The following IFT81 variants were observed in gnomAD, a reference collection of about 807,000 sequenced individuals.
The protein encoded by IFT81 is intraflagellar transport 81.
Under a neutral mutation model 102.6 loss-of-function variants are expected in IFT81, and 72 were observed. The ratio of observed to expected loss-of-function variants is 0.70; its 90% CI spans 0.58 to 0.85. IFT81 has a LOEUF of 0.85. IFT81 is among the 40% of genes least tolerant of loss of function. IFT81 has a pLI of 0.00. For synonymous variants in IFT81, 237 were observed against 242.7 expected (o/e 0.98, Z 0.22); for missense variants, 723 against 787.3 (o/e 0.92, Z 0.98).
chr12:110,141,921 A>G (rs1894915441), intron 8 of IFT81, among the ~76,000 whole-genome samples: 1 of 152,164 alleles, frequency 6.6e-6, no homozygotes, highest in East Asian at 1.9e-4. Context: ...AGAATTTGTA[A>G]ATGTGTAAAT....
chr12:110,141,633 A>G (rs1894896626), intron 8 of IFT81, among the ~76,000 whole-genome samples: 1 of 152,154 alleles, frequency 6.6e-6, no homozygotes, highest in Non-Finnish European at 1.5e-5. Flanking sequence ...TAATCCCAGC[A>G]CTTTGGGAGG....
intron 7 of IFT81, among the ~76,000 whole-genome samples, chr12:110,136,172 C>T (rs192435143): frequency 9.3e-4 from 142 of 152,328 alleles, no homozygotes; most frequent in African/African-American, 3.2e-3. Context: ...AAATCACCTA[C>T]ACTCCATGTT....
At chr12:110,199,900 C>G (rs547096583) in intron 14 of IFT81, among the ~76,000 whole-genome samples, 2 of 152,300 alleles carry the variant, frequency 1.3e-5, no homozygotes, top group South Asian at 2.1e-4. Flanking sequence ...CACAGGTTCA[C>G]AAGTTGAAAA....
At chr12:110,186,460 T>A (rs1456218667) in intron 12 of IFT81, among the ~76,000 whole-genome samples, 1 of 152,154 alleles carries the variant, frequency 6.6e-6, no homozygotes, top group Non-Finnish European at 1.5e-5. Context: ...AGCCAATGTT[T>A]ATTTATTTAT....
At chr12:110,146,872 C>T in intron 9 of IFT81, 81 bp from the exon 10 acceptor site, 1 of 1,386,302 alleles carries the variant, frequency 7.2e-7, no homozygotes, top group African/African-American at 1.5e-5. Context: ...AAATTCAAAG[C>T]TGGTTTGGCC....
chr12:110,182,177 C>T (rs979888564), intron 12 of IFT81, among the ~76,000 whole-genome samples: 2 of 152,166 alleles, frequency 1.3e-5, no homozygotes, highest in African/African-American at 4.8e-5. Flanking sequence ...GAGTGGGGCA[C>T]CAGCAACATC....
At chr12:110,128,512 A>G (rs1421347687) in intron 3 of IFT81, among the ~76,000 whole-genome samples, 4 of 151,716 alleles carry the variant, frequency 2.6e-5, no homozygotes, top group Non-Finnish European at 5.9e-5. Context: ...CCTTGGGGCC[A>G]GGCATGGTAG....
intron 7 of IFT81, 43 bp from the exon 8 acceptor site, chr12:110,136,733 T>C: frequency 8.4e-7 from 1 of 1,191,466 alleles, no homozygotes; most frequent in South Asian, 1.4e-5. Flanking sequence ...AGAGGTAAGC[T>C]TCAGTAGACT....
intron 12 of IFT81, among the ~76,000 whole-genome samples, chr12:110,183,025 C>A (rs565041653): frequency 6.6e-6 from 1 of 152,190 alleles, no homozygotes; most frequent in Non-Finnish European, 1.5e-5. Flanking sequence ...TGGGGCCTTA[C>A]GTTTAAGACA....
In IFT81 at chr12:110,180,401, C is replaced by A. The variant is rs747794658; in HGVS notation, c.1189-21C>A. The stretch of plus-strand genomic sequence containing the variant: ...TACTACTTTTCTACTCATTAGATTA[C>A]ATATTGTGTTTTTTTTACAGTTCAA... On this transcript the variant is annotated intron_variant, in intron 11 of 18. Coordinates refer to ENST00000242591, the MANE Select transcript of IFT81 (RefSeq NM_014055.4). 6 of 1,520,272 alleles carry A rather than the reference C, an allele frequency of 3.9e-6. No individual in the cohort carries two copies. The South Asian group carries it at 4.7e-5, about 12-fold the overall frequency. The allele number at this position is 1,520,272 out of a possible 1,614,324, so 94.2% of individuals were successfully genotyped here.
intron 18 of IFT81, among the ~76,000 whole-genome samples, chr12:110,211,661 C>T (rs979577276): frequency 1.3e-4 from 19 of 151,642 alleles, no homozygotes; most frequent in Non-Finnish European, 7.4e-5. Flanking sequence ...ATAGAAACCA[C>T]GCCTGGCTAA....
intron 12 of IFT81, among the ~76,000 whole-genome samples, chr12:110,184,547 G>A (rs1897440032): frequency 6.6e-6 from 1 of 152,148 alleles, no homozygotes. Flanking sequence ...CAGACACTGA[G>A]ATGGGATTAC....
intron 12 of IFT81, among the ~76,000 whole-genome samples, chr12:110,180,805 A>G (rs189940023): frequency 1.3e-5 from 2 of 152,326 alleles, no homozygotes; most frequent in Admixed American, 6.5e-5. Flanking sequence ...TTGAATTCCA[A>G]GTAGGTTTTT....
At chr12:110,166,954 C>A (rs563894424) in intron 11 of IFT81, among the ~76,000 whole-genome samples, 3 of 151,894 alleles carry the variant, frequency 2.0e-5, no homozygotes, top group Non-Finnish European at 4.4e-5. Context: ...TGTTAATTTG[C>A]GTAAATGTAA....
intron 14 of IFT81, among the ~76,000 whole-genome samples, chr12:110,202,378 A>G (rs1218754562): frequency 1.3e-5 from 2 of 152,228 alleles, no homozygotes; most frequent in African/African-American, 4.8e-5. Flanking sequence ...AACAACTTAA[A>G]GAAAACAAAA....
chr12:110,125,795 T>C (rs971650930), intron 1 of IFT81, among the ~76,000 whole-genome samples: 1 of 152,260 alleles, frequency 6.6e-6, no homozygotes, highest in African/African-American at 2.4e-5. Flanking sequence ...TAAAAAGTTA[T>C]GATCTTTCTC....
intron 4 of IFT81, among the ~76,000 whole-genome samples, chr12:110,130,480 C>T (rs1894098818): frequency 6.6e-6 from 1 of 151,820 alleles, no homozygotes; most frequent in African/African-American, 2.4e-5. Flanking sequence ...AGTGATTCTC[C>T]TGCCTCAGCC....
At chr12:110,170,655 A>G (rs984328973) in intron 11 of IFT81, among the ~76,000 whole-genome samples, 1 of 152,208 alleles carries the variant, frequency 6.6e-6, no homozygotes, top group African/African-American at 2.4e-5. Context: ...TTTTATAGCA[A>G]TAAATGTACC....
intron 8 of IFT81, among the ~76,000 whole-genome samples, chr12:110,140,348 A>G (rs1894813977): frequency 6.6e-6 from 1 of 152,142 alleles, no homozygotes; most frequent in Admixed American, 6.5e-5. Context: ...TTTAATCAAG[A>G]TCACAAACCT....
Sources: gnomAD v4.1 joint callset for allele counts (sites outside exome capture counted in the v4.1 genomes callset) on GRCh38, gnomAD v4.1.1 for gene constraint, MANE v1.5 for transcripts, NCBI Gene and HGNC (gene_info 2026-07-23, HGNC 2026-07-21) for gene names.